The following AGBL1 variants were observed in gnomAD, a reference collection of about 807,000 sequenced individuals.
AGBL1 encodes AGBL carboxypeptidase 1, also known as cytosolic carboxypeptidase 4.
AGBL1 carries 130 observed loss-of-function variants against 118.9 expected under a neutral mutation model. That is an observed-to-expected ratio of 1.09 (90% CI 0.95 to 1.26). The LOEUF (loss-of-function observed/expected upper bound fraction) is 1.26. AGBL1 is among the 50% of genes most tolerant of loss of function. The probability of loss-of-function intolerance (pLI) is 0.00; values close to 1 mark genes in which losing one functional copy is unlikely to be tolerated. For missense variants in AGBL1, 1,584 were observed against 1,298.1 expected, an observed-to-expected ratio of 1.22 and a Z score of -3.38; for synonymous variants, 555 against 478.9, an observed-to-expected ratio of 1.16 and a Z score of -2.08.
chr15:86,248,025 G>C (rs1597619656), intron 7 of AGBL1, 146 bp downstream of exon 7: 2 of 1,162,264 alleles, frequency 1.7e-6, no homozygotes, highest in South Asian at 2.6e-5. Context: ...TGGATTTAAG[G>C]CTTCATTCCA....
intron 22 of AGBL1, among the ~76,000 whole-genome samples, chr15:86,808,003 T>A (rs896990433): frequency 6.6e-6 from 1 of 152,074 alleles, no homozygotes; most frequent in Non-Finnish European, 1.5e-5. Flanking sequence ...TATTTTATCA[T>A]CTGTAAAGTA....
At chr15:86,950,257 C>T (rs2080866028) in intron 23 of AGBL1, among the ~76,000 whole-genome samples, 1 of 150,250 alleles carries the variant, frequency 6.7e-6, no homozygotes, top group Admixed American at 6.6e-5. Context: ...ATCAGTTAAC[C>T]CCAAATAAAG....
chr15:86,658,681 A>T (rs1392729136), intron 21 of AGBL1, among the ~76,000 whole-genome samples: 1 of 152,194 alleles, frequency 6.6e-6, no homozygotes, highest in Admixed American at 6.5e-5. Flanking sequence ...TGCAAATCTT[A>T]TATGGGCATG....
intron 21 of AGBL1, among the ~76,000 whole-genome samples, chr15:86,607,258 AG>A (rs778602465): frequency 3.9e-5 from 6 of 152,208 alleles, no homozygotes; most frequent in Non-Finnish European, 7.4e-5. Context: ...ATCATGAATC[AG>A]GTGCATCTGG....
chr15:86,742,978 T>C (rs997286314), intron 22 of AGBL1, among the ~76,000 whole-genome samples: 3 of 152,144 alleles, frequency 2.0e-5, no homozygotes, highest in Admixed American at 6.6e-5. Flanking sequence ...TAGTATCATA[T>C]ATAATTTATT....
At position 86,270,102 on chromosome 15, in the gene AGBL1, C is replaced by T. The variant is rs151073242; in HGVS notation, c.1987+35C>T. 3.5e-4 allele frequency: 556 copies of T among 1,587,122 alleles called. No individual in the cohort carries two copies. The African/African-American group carries it at 6.5e-3, about 18-fold the overall frequency. On this transcript the variant is annotated intron_variant, in intron 14 of 22. Coordinates refer to ENST00000614907, the MANE Select transcript of AGBL1 (RefSeq NM_001386094.1). ...CTTGGGGAGCAGGGGCTTTCTGGAACATGCCAGGAATGACATTTCTTGACT... is the reference window on the plus strand; with the variant it reads ...CTTGGGGAGCAGGGGCTTTCTGGAATATGCCAGGAATGACATTTCTTGACT...
chr15:86,320,723 G>A (rs1005431028), intron 17 of AGBL1, among the ~76,000 whole-genome samples: 5 of 93,694 alleles, frequency 5.3e-5, no homozygotes, highest in African/African-American at 1.4e-4. Context: ...GTGTGTGTGC[G>A]TGTGTGTGTG....
rs145586642 is a variant in AGBL1 at position 87,018,988 on chromosome 15, G to A, written c.3324-9837G>A. On this transcript the variant is annotated intron_variant, in intron 24 of 24. Transcript: ENST00000441037. The stretch of plus-strand genomic sequence containing the variant: ...ATTGCAATCCTTGTTTCTGACAAAA[G>A]AGACTTTAAACCAACAAAGATAAAA... Among the ~76,000 whole-genome samples the A allele has an allele frequency of 4.6e-3, 692 of 151,014 alleles. 9 individuals carry two copies. The highest frequency in any genetic ancestry group is 0.014 in the African/African-American group (558 of 40,532).
intron 18 of AGBL1, among the ~76,000 whole-genome samples, chr15:86,465,048 T>C (rs908339583): frequency 2.0e-5 from 3 of 152,116 alleles, no homozygotes; most frequent in African/African-American, 7.2e-5. Context: ...ACCAATCAAA[T>C]GTAGGTTTTG....
chr15:86,966,856 G>A (rs1345571207), intron 23 of AGBL1, among the ~76,000 whole-genome samples: 1 of 152,004 alleles, frequency 6.6e-6, no homozygotes, highest in Non-Finnish European at 1.5e-5. Flanking sequence ...TGGGATTGCT[G>A]GGCCAAATGG....
chr15:86,643,313 T>G (rs1441173525), intron 21 of AGBL1, among the ~76,000 whole-genome samples: 2 of 152,212 alleles, frequency 1.3e-5, no homozygotes, highest in African/African-American at 4.8e-5. Flanking sequence ...AAATCTGTTT[T>G]GTAATTTATA....
intron 24 of AGBL1, among the ~76,000 whole-genome samples, chr15:87,001,235 C>A (rs374735426): frequency 0.061 from 9,149 of 150,758 alleles, 375 homozygotes; most frequent in African/African-American, 0.1. Flanking sequence ...TCTCCTGCCT[C>A]ATTGCCCTGG....
chr15:86,928,133 A>T (rs1296272267), intron 23 of AGBL1, among the ~76,000 whole-genome samples: 1 of 152,228 alleles, frequency 6.6e-6, no homozygotes, highest in African/African-American at 2.4e-5. Context: ...CAAGATAATG[A>T]CTTAATTAGC....
intron 18 of AGBL1, among the ~76,000 whole-genome samples, chr15:86,446,205 T>C (rs1241604178): frequency 2.0e-5 from 3 of 152,186 alleles, no homozygotes. Context: ...ACATCTCTCT[T>C]CCCTTTATGT....
intron 17 of AGBL1, among the ~76,000 whole-genome samples, chr15:86,375,141 G>T (rs907299748): frequency 1.3e-5 from 2 of 152,118 alleles, no homozygotes; most frequent in Non-Finnish European, 2.9e-5. Flanking sequence ...TGATATTTGG[G>T]CATGGGTTTG....
chr15:86,599,365 A>G (rs2142367675), intron 21 of AGBL1, among the ~76,000 whole-genome samples: 1 of 152,158 alleles, frequency 6.6e-6, no homozygotes, highest in East Asian at 1.9e-4. Context: ...AAGCCCAGGG[A>G]CAAATTTGCC....
At chr15:86,854,911 A>G (rs529929164) in intron 22 of AGBL1, among the ~76,000 whole-genome samples, 1 of 152,246 alleles carries the variant, frequency 6.6e-6, no homozygotes, top group South Asian at 2.1e-4. Context: ...CTCGATCTCC[A>G]TCACTGCTTT....
chr15:86,425,324 G>C (rs573828562), intron 18 of AGBL1, among the ~76,000 whole-genome samples: 1 of 151,966 alleles, frequency 6.6e-6, no homozygotes, highest in African/African-American at 2.4e-5. Context: ...TCACTCATAA[G>C]TGGGAGTTGA....
At chr15:86,371,668 T>G (rs2080972503) in intron 17 of AGBL1, among the ~76,000 whole-genome samples, 1 of 152,082 alleles carries the variant, frequency 6.6e-6, no homozygotes, top group African/African-American at 2.4e-5. Flanking sequence ...GTCAAGACCA[T>G]TTATGTGTGT....
Sources: gnomAD v4.1 joint callset for allele counts (sites outside exome capture counted in the v4.1 genomes callset) on GRCh38, gnomAD v4.1.1 for gene constraint, MANE v1.5 for transcripts, NCBI Gene and HGNC (gene_info 2026-07-23, HGNC 2026-07-21) for gene names.